GLIS3: variants seen among roughly 807,000 people sequenced by gnomAD.
The protein encoded by GLIS3 is zinc finger protein GLIS3.
GLIS3 carries 53 observed loss-of-function variants against 78.6 expected under a neutral mutation model. The observed-to-expected ratio is 0.67, with a 90% CI of 0.54 to 0.85. The LOEUF (loss-of-function observed/expected upper bound fraction) is 0.85, where lower values mean the gene tolerates loss of function less well. Among genes scored for constraint, GLIS3 ranks in the 40% least tolerant of loss-of-function variants. The pLI, the probability that GLIS3 is intolerant of heterozygous loss-of-function variation, is 0.00. For synonymous variants in GLIS3, 684 were observed against 509.9 expected, an observed-to-expected ratio of 1.34 and a Z score of -4.60; for missense variants, 1,703 against 1,231.1, an observed-to-expected ratio of 1.38 and a Z score of -5.74.
chr9:3,986,871 C>T (rs940682691), intron 4 of GLIS3, among the ~76,000 whole-genome samples: 6 of 152,206 alleles, frequency 3.9e-5, no homozygotes, highest in African/African-American at 1.2e-4. Flanking sequence ...GTTTGGAATG[C>T]AACCCAGAGT....
intron 1 of GLIS3, among the ~76,000 whole-genome samples, chr9:4,295,395 A>G (rs1462525420): frequency 1.3e-5 from 2 of 152,146 alleles, no homozygotes; most frequent in East Asian, 1.9e-4. Context: ...CCTTAATTCT[A>G]TCATATTAAG....
At chr9:4,429,947 A>T in the GLIS3 span, among the ~76,000 whole-genome samples, 1 of 152,128 alleles carries the variant, frequency 6.6e-6, no homozygotes, top group African/African-American at 2.4e-5. Context: ...GACATCAAAT[A>T]ACTTGTGTTC....
chr9:4,299,854 C>T lies in GLIS3; in HGVS notation c.-532G>A, dbSNP rs901141523. 1.1e-4 allele frequency: 16 copies of T among 152,354 alleles called. No individual in the cohort carries two copies. In the East Asian group the frequency reaches 1.2e-3, roughly 11 times the overall value. The allele number at this position is 152,354 out of a possible 1,614,324, so 9.4% of individuals were successfully genotyped here. ...CCGACCCCGGGATGCTGGCTAATTGCTGCCGGCGGGTTCCGTCGCCGGTGT... is the reference window on the plus strand; with the variant it reads ...CCGACCCCGGGATGCTGGCTAATTGTTGCCGGCGGGTTCCGTCGCCGGTGT... On this transcript the variant is annotated 5_prime_UTR_variant, in exon 1 of 11. Transcript: ENST00000381971.
intron 2 of GLIS3, among the ~76,000 whole-genome samples, chr9:4,324,904 G>A (rs867369411): frequency 6.6e-6 from 1 of 152,252 alleles, no homozygotes. Context: ...ACAACCTTAG[G>A]TAGTATCTTT....
the GLIS3 span, among the ~76,000 whole-genome samples, chr9:4,375,665 C>T: frequency 6.6e-6 from 1 of 152,198 alleles, no homozygotes; most frequent in South Asian, 2.1e-4. Context: ...CTTCTACAGT[C>T]ATAAAACATG....
intron 2 of GLIS3, among the ~76,000 whole-genome samples, chr9:4,171,766 G>A (rs1816394450): frequency 6.6e-6 from 1 of 152,156 alleles, no homozygotes; most frequent in African/African-American, 2.4e-5. Context: ...GTTAGGCATT[G>A]CAGATTTATA....
chr9:4,107,042 G>A (rs1415397989), intron 4 of GLIS3, among the ~76,000 whole-genome samples: 8 of 152,078 alleles, frequency 5.3e-5, no homozygotes, highest in Non-Finnish European at 7.4e-5. Context: ...GGCTGGGAAA[G>A]ATTTAATAAG....
intron 2 of GLIS3, among the ~76,000 whole-genome samples, chr9:4,230,653 A>G (rs540117716): frequency 1.3e-5 from 2 of 152,342 alleles, no homozygotes; most frequent in South Asian, 2.1e-4. Context: ...TATAAGCACC[A>G]TTATAATACC....
chr9:4,216,731 C>T (rs1474371160), intron 2 of GLIS3, among the ~76,000 whole-genome samples: 1 of 152,006 alleles, frequency 6.6e-6, no homozygotes, highest in Non-Finnish European at 1.5e-5. Flanking sequence ...ATTCAGGTTT[C>T]GAAACTCCCA....
At chr9:4,363,365 G>C in the GLIS3 span, among the ~76,000 whole-genome samples, 1 of 152,218 alleles carries the variant, frequency 6.6e-6, no homozygotes, top group African/African-American at 2.4e-5. Flanking sequence ...AGAGGTTGCA[G>C]TGAGCTGAGA....
At chr9:4,090,222 G>C (rs116938742) in intron 4 of GLIS3, among the ~76,000 whole-genome samples, 3,977 of 152,168 alleles carry the variant, frequency 0.026, 88 homozygotes, top group Middle Eastern at 0.058. Flanking sequence ...ATTATCTTTT[G>C]GGAAACACTA....
chr9:4,348,356 G>C (rs1210586596), exon 1 of GLIS3: 1 of 150,416 alleles, frequency 6.6e-6, no homozygotes, highest in Non-Finnish European at 1.5e-5. Context: ...GTTATCTCAC[G>C]ATCCAAGTGC....
chr9:4,052,509 C>G (rs1255927515), intron 4 of GLIS3, among the ~76,000 whole-genome samples: 2 of 152,160 alleles, frequency 1.3e-5, no homozygotes, highest in Non-Finnish European at 2.9e-5. Context: ...CACCCTGGCC[C>G]CTAGTCAACC....
chr9:4,138,694 G>A (rs930700136), intron 2 of GLIS3, among the ~76,000 whole-genome samples: 9 of 152,188 alleles, frequency 5.9e-5, no homozygotes, highest in Non-Finnish European at 1.0e-4. Flanking sequence ...TAAGCTCTCT[G>A]TGCCTCTATT....
intron 6 of GLIS3, 155 bp from the exon 7 acceptor site, chr9:3,898,990 A>AT (rs1823083412): frequency 2.3e-6 from 2 of 878,686 alleles, no homozygotes; most frequent in Non-Finnish European, 1.8e-6. Flanking sequence ...GAGTGTCAAT[A>AT]AAAGGATCAG....
chr9:4,041,844 A>T (rs955340139), intron 4 of GLIS3, among the ~76,000 whole-genome samples: 1 of 152,302 alleles, frequency 6.6e-6, no homozygotes, highest in East Asian at 1.9e-4. Context: ...TTTTCTGCAC[A>T]TAAGACAATA....
chr9:4,293,825 T>TG (rs1420116541), intron 1 of GLIS3, among the ~76,000 whole-genome samples: 3 of 152,256 alleles, frequency 2.0e-5, no homozygotes, highest in African/African-American at 7.2e-5. Flanking sequence ...CAAGTCTTGC[T>TG]GCTCCTGAAG....
At chr9:4,419,184 CCTT>C in the GLIS3 span, among the ~76,000 whole-genome samples, 1 of 152,156 alleles carries the variant, frequency 6.6e-6, no homozygotes, top group Non-Finnish European at 1.5e-5. Flanking sequence ...AATGTTTAAT[CCTT>C]CTGATTACAT....
At chr9:4,129,051 C>G (rs1046378611) in intron 2 of GLIS3, among the ~76,000 whole-genome samples, 1 of 152,184 alleles carries the variant, frequency 6.6e-6, no homozygotes, top group Non-Finnish European at 1.5e-5. Context: ...TGAGGATGTT[C>G]TGGAAAATGG....
Sources: allele counts gnomAD v4.1 joint callset (sites outside exome capture counted in the v4.1 genomes callset), GRCh38; gene constraint gnomAD v4.1.1; transcripts MANE v1.5; gene names NCBI Gene and HGNC (gene_info 2026-07-23, HGNC 2026-07-21).